The following RXFP2 variants were observed in gnomAD, a reference collection of about 807,000 sequenced individuals.
The protein encoded by RXFP2 is relaxin family peptide receptor 2.
Under a neutral mutation model 88.6 loss-of-function variants are expected in RXFP2, and 68 were observed. The ratio of observed to expected loss-of-function variants is 0.77; its 90% CI spans 0.63 to 0.94. The LOEUF (loss-of-function observed/expected upper bound fraction) is 0.94, where lower values mean the gene tolerates loss of function less well. RXFP2 is among the 40% of genes least tolerant of loss of function. The pLI is 0.00. For missense variants in RXFP2, 791 were observed against 893.9 expected, an observed-to-expected ratio of 0.88 and a Z score of 1.47; for synonymous variants, 329 against 306.8, an observed-to-expected ratio of 1.07 and a Z score of -0.76.
chr13:31,765,196 A>G, intron 4 of RXFP2, 54 bp downstream of exon 4: 1 of 1,109,564 alleles, frequency 9.0e-7, no homozygotes, highest in South Asian at 1.2e-5. Context: ...CATGAAAACC[A>G]AGAAAAAACC....
intron 1 of RXFP2, among the ~76,000 whole-genome samples, chr13:31,741,191 T>C (rs1593440818): frequency 6.6e-6 from 1 of 152,066 alleles, no homozygotes; most frequent in East Asian, 1.9e-4. Context: ...TAAAAAAAAG[T>C]TCAATTAATA....
At chr13:31,765,218 C>T in intron 4 of RXFP2, 76 bp downstream of exon 4, 1 of 866,046 alleles carries the variant, frequency 1.2e-6, no homozygotes, top group Non-Finnish European at 2.0e-6. Context: ...AATAGTGTTG[C>T]TTGTGCATTA....
At chr13:31,745,014 CA>C (rs1347636708) in intron 1 of RXFP2, among the ~76,000 whole-genome samples, 5 of 151,870 alleles carry the variant, frequency 3.3e-5, no homozygotes, top group Non-Finnish European at 7.4e-5. Context: ...ACTAAAAATA[CA>C]AAAAATTAGC....
intron 1 of RXFP2, among the ~76,000 whole-genome samples, chr13:31,755,150 C>A (rs780276227): frequency 2.0e-5 from 3 of 152,168 alleles, no homozygotes; most frequent in Non-Finnish European, 2.9e-5. Context: ...GGTCACACAG[C>A]TAGTGAGTGG....
intron 11 of RXFP2, 92 bp downstream of exon 11, chr13:31,782,839 A>C (rs1370521320): frequency 1.3e-6 from 1 of 799,608 alleles, no homozygotes; most frequent in Non-Finnish European, 2.2e-6. Context: ...ACTAGTAGCA[A>C]TCAAAATCCT....
intron 1 of RXFP2, among the ~76,000 whole-genome samples, chr13:31,744,486 A>T (rs1353051005): frequency 6.6e-6 from 1 of 152,236 alleles, no homozygotes; most frequent in Non-Finnish European, 1.5e-5. Flanking sequence ...TCTGCAACAT[A>T]TCTCTCCAAA....
intron 1 of RXFP2, among the ~76,000 whole-genome samples, chr13:31,741,848 T>C (rs1871233801): frequency 6.6e-6 from 1 of 152,194 alleles, no homozygotes; most frequent in Admixed American, 6.5e-5. Context: ...ATCAAAAACA[T>C]GGGCTTATGT....
intron 1 of RXFP2, among the ~76,000 whole-genome samples, chr13:31,751,881 A>C (rs1593446873): frequency 6.6e-6 from 1 of 152,266 alleles, no homozygotes; most frequent in Middle Eastern, 3.4e-3. Flanking sequence ...TAGTCTCTCA[A>C]CTCATGCAGA....
intron 1 of RXFP2, among the ~76,000 whole-genome samples, chr13:31,758,052 C>T (rs1420841748): frequency 6.6e-6 from 1 of 152,024 alleles, no homozygotes; most frequent in Non-Finnish European, 1.5e-5. Flanking sequence ...AGATCGTGCA[C>T]TCCAGCCTGG....
intron 2 of RXFP2, among the ~76,000 whole-genome samples, chr13:31,761,234 G>A (rs1171569829): frequency 2.6e-5 from 4 of 152,214 alleles, no homozygotes; most frequent in African/African-American, 4.8e-5. Flanking sequence ...GGTTACAGAC[G>A]AGTGCCGCTG....
At chr13:31,752,551 A>AAAC (rs66623566) in intron 1 of RXFP2, among the ~76,000 whole-genome samples, 1 of 151,692 alleles carries the variant, frequency 6.6e-6, no homozygotes, top group East Asian at 1.9e-4. Flanking sequence ...CAAGTTTGGA[A>AAAC]AACAACAACA....
intron 1 of RXFP2, among the ~76,000 whole-genome samples, chr13:31,752,307 G>C (rs776942588): frequency 6.6e-6 from 1 of 152,056 alleles, no homozygotes; most frequent in Non-Finnish European, 1.5e-5. Context: ...TCTGTGGATA[G>C]GGTCCTGAGG....
intron 4 of RXFP2, among the ~76,000 whole-genome samples, chr13:31,765,549 T>C (rs1872517772): frequency 6.6e-6 from 1 of 152,158 alleles, no homozygotes; most frequent in Non-Finnish European, 1.5e-5. Context: ...AGCTATGTTA[T>C]ATCATGCAAA....
At chr13:31,756,608 C>A (rs1388278505) in intron 1 of RXFP2, among the ~76,000 whole-genome samples, 2 of 145,506 alleles carry the variant, frequency 1.4e-5, no homozygotes, top group African/African-American at 5.2e-5. Flanking sequence ...AAATCAATTT[C>A]TGTGAAGTTC....
intron 1 of RXFP2, among the ~76,000 whole-genome samples, chr13:31,749,064 T>C (rs570536674): frequency 6.6e-6 from 1 of 152,292 alleles, no homozygotes; most frequent in South Asian, 2.1e-4. Flanking sequence ...TCCTTTATGA[T>C]TAGTACTTTT....
At position 31,802,924 on chromosome 13, in the gene RXFP2, C is replaced by T. The variant is rs1271223026; in HGVS notation, c.*519C>T. 4.4e-5 allele frequency: 7 copies of T among 159,272 alleles called. No homozygotes were observed. The highest frequency in any genetic ancestry group is 3.6e-4 in the East Asian group (2 of 5,484). The allele number at this position is 159,272 out of a possible 1,614,324, so 9.9% of individuals were successfully genotyped here. A position where few individuals can be genotyped will look rare whatever the true frequency, so the allele number is the denominator to read the frequency against. ...ACCCGAAGTCCTCCTCTGTGAAGGC[C>T]GGTGGAGTAGCCACTTTGAAAACAG... On this transcript the variant is annotated 3_prime_UTR_variant, in exon 18 of 18. Coordinates refer to ENST00000298386, the MANE Select transcript of RXFP2 (RefSeq NM_130806.5).
chr13:31,752,566 CA>C (rs1311773325), intron 1 of RXFP2, among the ~76,000 whole-genome samples: 3 of 152,152 alleles, frequency 2.0e-5, no homozygotes, highest in African/African-American at 4.8e-5. Flanking sequence ...ACAACAACAA[CA>C]ACCACCAAGA....
At chr13:31,773,971 G>T (rs1410364617) in intron 5 of RXFP2, among the ~76,000 whole-genome samples, 1 of 152,152 alleles carries the variant, frequency 6.6e-6, no homozygotes, top group Non-Finnish European at 1.5e-5. Flanking sequence ...GACAGCAAAT[G>T]GAAATTATTT....
rs1874101142 is a variant in RXFP2, at chr13:31,797,295, G to A, written c.1881G>A (p.Arg627=). ...QKTALQTTEV[R]NCFGREVAVA... ...CCGCCTTGCAGACCACAGAAGTAAG[G>A]AATTGTTTTGGAAGAGAGGTGGCTG... is the stretch of plus-strand genomic sequence containing the variant. Residue 627 remains arginine, a synonymous_variant, in exon 17 of 18, where the codon AGG becomes AGA. Transcript: ENST00000298386. 6.2e-7 allele frequency: 1 copy of A among 1,613,932 alleles called. No homozygotes were observed. The highest frequency in any genetic ancestry group is 8.5e-7 in the Non-Finnish European group (1 of 1,179,940).
Sources: gnomAD v4.1 joint callset for allele counts (sites outside exome capture counted in the v4.1 genomes callset) on GRCh38, gnomAD v4.1.1 for gene constraint, MANE v1.5 for transcripts, NCBI Gene and HGNC (gene_info 2026-07-23, HGNC 2026-07-21) for gene names.